Variants in DZIP3 observed in about 807,000 individuals in gnomAD.
DZIP3 encodes E3 ubiquitin-protein ligase DZIP3.
A neutral mutation model predicts 162.0 loss-of-function variants in DZIP3; 118 were observed. That is an observed-to-expected ratio of 0.73 (90% confidence interval 0.63 to 0.85). DZIP3 has a LOEUF of 0.85. Ranked by LOEUF, DZIP3 falls within the 40% of genes least tolerant of loss-of-function variation. DZIP3 has a pLI of 0.00. For synonymous variants in DZIP3, 438 were observed against 458.6 expected (o/e 0.96, Z 0.57); for missense variants, 1,331 against 1,407.0 (o/e 0.95, Z 0.86).
intron 29 of DZIP3, 93 bp from the exon 30 acceptor site, chr3:108,688,500 T>C: frequency 7.5e-7 from 1 of 1,324,916 alleles, no homozygotes; most frequent in Admixed American, 2.4e-5. Flanking sequence ...ACCCTTTTGC[T>C]AGTTCTTACT....
intron 4 of DZIP3, among the ~76,000 whole-genome samples, chr3:108,616,187 A>G (rs3112025): frequency 0.99 from 150,695 of 152,152 alleles, 74,628 homozygotes; most frequent in East Asian, 1. Flanking sequence ...TGGTGTGAAC[A>G]CGGGAGGCGG....
intron 7 of DZIP3, among the ~76,000 whole-genome samples, chr3:108,628,520 G>T (rs1222565684): frequency 6.6e-6 from 1 of 152,186 alleles, no homozygotes; most frequent in Non-Finnish European, 1.5e-5. Flanking sequence ...TATGTCTAGA[G>T]GAGGTTCTTT....
intron 8 of DZIP3, among the ~76,000 whole-genome samples, chr3:108,629,777 T>C (rs1941748906): frequency 6.6e-6 from 1 of 151,548 alleles, no homozygotes; most frequent in Non-Finnish European, 1.5e-5. Flanking sequence ...TATTATACAA[T>C]GCGATTTTGG....
chr3:108,645,645 GAACAACTGAT>G (rs1312703479), intron 14 of DZIP3, among the ~76,000 whole-genome samples: 1 of 152,140 alleles, frequency 6.6e-6, no homozygotes, highest in Non-Finnish European at 1.5e-5. Context: ...ACAGCCTAAT[GAACAACTGAT>G]AACCACACTG....
At chr3:108,638,900 T>C (rs1411452796) in intron 12 of DZIP3, among the ~76,000 whole-genome samples, 1 of 152,230 alleles carries the variant, frequency 6.6e-6, no homozygotes, top group Non-Finnish European at 1.5e-5. Context: ...CACTTAACCT[T>C]GTACACAGCT....
At chr3:108,646,526 C>G (rs2107651075) in intron 14 of DZIP3, 91 bp from the exon 15 acceptor site, 1 of 876,762 alleles carries the variant, frequency 1.1e-6, no homozygotes, top group East Asian at 2.5e-5. Flanking sequence ...TAAATTGGTG[C>G]AATATAAAAA....
At chr3:108,594,503 T>G (rs925527748) in intron 1 of DZIP3, among the ~76,000 whole-genome samples, 12 of 147,404 alleles carry the variant, frequency 8.1e-5, no homozygotes, top group African/African-American at 3.0e-4. Flanking sequence ...GGTAAACTTG[T>G]GTCATGGGAG....
At chr3:108,655,963 G>A (rs1002353710) in intron 19 of DZIP3, among the ~76,000 whole-genome samples, 3 of 152,214 alleles carry the variant, frequency 2.0e-5, no homozygotes, top group Admixed American at 6.5e-5. Context: ...GTCTGCCATT[G>A]CCAAGGCTTG....
chr3:108,658,300 A>G (rs1001051734), intron 19 of DZIP3, among the ~76,000 whole-genome samples: 3 of 152,266 alleles, frequency 2.0e-5, no homozygotes, highest in African/African-American at 7.2e-5. Context: ...CTCTCAGACC[A>G]CAGTGCAATC....
In DZIP3 at chr3:108,686,538, G is replaced by A. The variant is rs750568890; in HGVS notation, c.3103G>A (p.Glu1035Lys). The A allele has an allele frequency of 1.2e-6, 2 of 1,611,450 alleles. No individual in the cohort carries two copies. Among genetic ancestry groups the A allele is most frequent in the East Asian group, 2.2e-5 (1 of 44,648 alleles). The change falls in exon 28 of 33, where the codon GAG (glutamate) becomes AAG (lysine). Residue 1035 changes from glutamate (E) to lysine (K), a missense_variant. By Grantham distance (56) the Glu-to-Lys change is moderately conservative. Coordinates refer to ENST00000361582, the MANE Select transcript of DZIP3 (RefSeq NM_014648.4). ...LRSDPSIMNW[E>K]RITDRLKTAF... Reference sequence around the variant, plus strand: ...GAGTGATCCCTCCATCATGAATTGGGAGAGAATTACAGACAGGCTGAAAAC... The same window carrying A: ...GAGTGATCCCTCCATCATGAATTGGAAGAGAATTACAGACAGGCTGAAAAC...
At chr3:108,645,797 T>A (rs1425599517) in intron 14 of DZIP3, among the ~76,000 whole-genome samples, 4 of 152,192 alleles carry the variant, frequency 2.6e-5, no homozygotes, top group Admixed American at 2.6e-4. Flanking sequence ...TCTTGCATAA[T>A]CTAAGAATGA....
At chr3:108,635,628 TTA>T (rs1942110500) in intron 10 of DZIP3, among the ~76,000 whole-genome samples, 1 of 110,800 alleles carries the variant, frequency 9.0e-6, no homozygotes, top group Admixed American at 1.0e-4. Context: ...ACTTATATAA[TTA>T]TATAAGTTAT....
At chr3:108,635,622 ATATAAT>A (rs1345053854) in intron 10 of DZIP3, among the ~76,000 whole-genome samples, 2 of 116,918 alleles carry the variant, frequency 1.7e-5, no homozygotes, top group African/African-American at 5.4e-5. Context: ...TATATAACTT[ATATAAT>A]TATATAAGTT....
chr3:108,601,862 G>C (rs1036016158), intron 1 of DZIP3, among the ~76,000 whole-genome samples: 14 of 152,128 alleles, frequency 9.2e-5, no homozygotes, highest in African/African-American at 3.4e-4. Flanking sequence ...TTCACCAGAT[G>C]CCTCTTTGCC....
chr3:108,687,275 G>A (rs1944532798), intron 28 of DZIP3, among the ~76,000 whole-genome samples: 3 of 151,968 alleles, frequency 2.0e-5, no homozygotes. Context: ...CTCTAGTACA[G>A]TTGTTATAAA....
chr3:108,619,021 A>G (rs1352856068), intron 5 of DZIP3, among the ~76,000 whole-genome samples: 1 of 124,252 alleles, frequency 8.0e-6, no homozygotes, highest in Admixed American at 1.1e-4. Context: ...AGATTATGCC[A>G]CTGCACTCCA....
Position 108,694,257 on chromosome 3 carries a change from A to G in DZIP3, c.*904A>G, listed in dbSNP as rs1035473552. 6.6e-6 allele frequency: 1 copy of G among 152,162 alleles called. No individual in the cohort carries two copies. Among genetic ancestry groups the G allele is most frequent in the African/African-American group, 2.4e-5 (1 of 41,442 alleles). 9.4% of individuals were successfully genotyped at this position (152,162 alleles called of 1,614,324 possible). A position where few individuals can be genotyped will look rare whatever the true frequency, so the allele number is the denominator to read the frequency against. ...AGAATAGACTGGAACATGTGAGGGAAAAATATTTAAAAAAAGATGGCAGTC... is the reference window on the plus strand; with the variant it reads ...AGAATAGACTGGAACATGTGAGGGAGAAATATTTAAAAAAAGATGGCAGTC... On this transcript the variant is annotated 3_prime_UTR_variant, in exon 33 of 33. Coordinates refer to ENST00000361582, the MANE Select transcript of DZIP3 (RefSeq NM_014648.4).
chr3:108,657,601 C>G (rs1024251718), intron 19 of DZIP3, among the ~76,000 whole-genome samples: 2 of 152,138 alleles, frequency 1.3e-5, no homozygotes, highest in Non-Finnish European at 2.9e-5. Context: ...AAATAACCAG[C>G]TAACATCATA....
rs1049557878 is a variant in DZIP3, at chr3:108,671,567, G to A, written c.2493-993G>A. 2.0e-5 allele frequency among the ~76,000 whole-genome samples: 3 copies of A among 151,894 alleles called. No individual in the cohort carries two copies. The East Asian group carries it at 5.8e-4, about 29-fold the overall frequency. On this transcript the variant is annotated intron_variant, in intron 22 of 32. Transcript: ENST00000361582. ...TCCTCCTTCCCTCTCAAACTGTAGG[G>A]TTTGCTTTCATTCAAAAATGTTGAA... is the stretch of plus-strand genomic sequence containing the variant.
Sources: gnomAD v4.1 joint callset for allele counts (sites outside exome capture counted in the v4.1 genomes callset) on GRCh38, gnomAD v4.1.1 for gene constraint, MANE v1.5 for transcripts, NCBI Gene and HGNC (gene_info 2026-07-23, HGNC 2026-07-21) for gene names.